GAS7: variants seen among roughly 807,000 people sequenced by gnomAD.
GAS7 encodes growth arrest-specific protein 7.
GAS7 carries 28 observed loss-of-function variants against 71.1 expected under a neutral mutation model. The observed-to-expected ratio is 0.39, with a 90% CI of 0.29 to 0.54. The LOEUF (loss-of-function observed/expected upper bound fraction) is 0.54. Ranked by LOEUF, GAS7 falls within the 20% of genes least tolerant of loss-of-function variation. The pLI is 0.62. For synonymous variants in GAS7, 258 were observed against 245.8 expected (o/e 1.05, Z -0.46); for missense variants, 436 against 627.8 (o/e 0.69, Z 3.27).
At chr17:10,046,795 AGG>A (rs1488766946) in intron 1 of GAS7, among the ~76,000 whole-genome samples, 1 of 93,250 alleles carries the variant, frequency 1.1e-5, no homozygotes, top group East Asian at 3.5e-4. Context: ...AAAGGAAGGA[AGG>A]AAGGAAGGAA....
At chr17:10,030,938 T>C (rs1473871710) in intron 1 of GAS7, among the ~76,000 whole-genome samples, 1 of 152,194 alleles carries the variant, frequency 6.6e-6, no homozygotes, top group Non-Finnish European at 1.5e-5. Context: ...CCAGTCGCCA[T>C]GGAGTGTCCG....
intron 1 of GAS7, among the ~76,000 whole-genome samples, chr17:10,151,320 CTTGTTT>C (rs768269263): frequency 1.5e-4 from 23 of 151,844 alleles, no homozygotes; most frequent in Admixed American, 5.9e-4. Flanking sequence ...GTTTCGTTTG[CTTGTTT>C]TTGTTTTTGT....
At chr17:9,967,111 C>T (rs184862580) in intron 4 of GAS7, among the ~76,000 whole-genome samples, 4 of 151,784 alleles carry the variant, frequency 2.6e-5, no homozygotes, top group South Asian at 2.1e-4. Context: ...ACTATCTACC[C>T]GGGCCTGCAT....
In GAS7 at chr17:10,026,149, C is replaced by T; in HGVS notation, c.184-6252G>A. ...GGTTTCTGAGAACACCTGACTCTTA[C>T]CTTATCCTAAAGCCGTGAGCAAACG... On this transcript the variant is annotated intron_variant, in intron 1 of 13. Transcript: ENST00000432992. This position sits in a 1 kb window ranked among gnomAD's most constrained non-coding sequence, Gnocchi z 4.5. 1 of 985,110 alleles carries T rather than the reference C, an allele frequency of 1.0e-6. No individual in the cohort carries two copies. The highest frequency in any genetic ancestry group is 1.2e-6 in the Non-Finnish European group (1 of 829,806). The allele number at this position is 985,110 out of a possible 1,614,324, so 61.0% of individuals were successfully genotyped here.
At chr17:9,917,929 C>T (rs2067643261) in intron 13 of GAS7, 72 bp downstream of exon 13, 4 of 1,085,680 alleles carry the variant, frequency 3.7e-6, no homozygotes, top group East Asian at 2.4e-5. Context: ...ACTTAACCTG[C>T]CACGGCCTAG....
intron 2 of GAS7, among the ~76,000 whole-genome samples, chr17:10,014,306 T>A (rs968344619): frequency 2.6e-5 from 4 of 152,206 alleles, no homozygotes; most frequent in Non-Finnish European, 5.9e-5. Flanking sequence ...GAATTGGTGT[T>A]TGACCTCATT....
At position 9,987,590 on chromosome 17, in the gene GAS7, C is replaced by G. The variant is rs192390286; in HGVS notation, c.305-5706G>C. Among the ~76,000 whole-genome samples the G allele has an allele frequency of 4.7e-4, 71 of 152,280 alleles. 1 individual carries two copies. Among genetic ancestry groups the G allele is most frequent in the Admixed American group, 1.6e-3 (25 of 15,302 alleles). The stretch of plus-strand genomic sequence containing the variant: ...TCCAGGAGTTCAAGTCCAGCCTGGA[C>G]AACACAGCAAGACCCTATCTCTATA... On this transcript the variant is annotated intron_variant, in intron 2 of 13. Transcript: ENST00000432992.
intron 1 of GAS7, among the ~76,000 whole-genome samples, chr17:10,169,134 A>C (rs2074316454): frequency 6.6e-6 from 1 of 151,940 alleles, no homozygotes; most frequent in Non-Finnish European, 1.5e-5. Context: ...ATAGCCAGGC[A>C]TGGTGGCGCG....
At position 10,198,567 on chromosome 17, in the gene GAS7, G is replaced by A. The variant is rs2074558631; in HGVS notation, c.-177C>T. 2.6e-6 allele frequency: 1 copy of A among 390,512 alleles called. No homozygotes were observed. Among genetic ancestry groups the A allele is most frequent in the Non-Finnish European group, 4.4e-6 (1 of 225,268 alleles). 24.2% of individuals were successfully genotyped at this position (390,512 alleles called of 1,614,324 possible). The stretch of plus-strand genomic sequence containing the variant: ...GGCGGGGGACGCGCGCTCCGCGCCG[G>A]GAAGCAGAGACTCGTTGGCTTCGCA... On this transcript the variant is annotated 5_prime_UTR_variant, in exon 1 of 14. Coordinates refer to ENST00000432992, the MANE Select transcript of GAS7 (RefSeq NM_201433.2).
At chr17:9,948,509 C>A (rs893798772) in intron 5 of GAS7, among the ~76,000 whole-genome samples, 1 of 152,110 alleles carries the variant, frequency 6.6e-6, no homozygotes, top group Non-Finnish European at 1.5e-5. Context: ...ATGGTGAAAC[C>A]CCTTCTCTAC....
At position 9,960,858 on chromosome 17, in the gene GAS7, C is replaced by G. The variant is rs182292906; in HGVS notation, c.472-1603G>C. Among the ~76,000 whole-genome samples, 54 of 152,328 alleles carry G rather than the reference C, an allele frequency of 3.5e-4. No individual in the cohort carries two copies. The East Asian group carries it at 9.4e-3, about 27-fold the overall frequency. On this transcript the variant is annotated intron_variant, in intron 4 of 13. Transcript: ENST00000432992. ...CCTTACAGAGCATTAATTTCACAGA[C>G]AAGAAAATGATTACTAGCCTTGAGA...
intron 1 of GAS7, among the ~76,000 whole-genome samples, chr17:10,049,479 G>C (rs1025500496): frequency 6.6e-6 from 1 of 151,672 alleles, no homozygotes; most frequent in Non-Finnish European, 1.5e-5. Context: ...CATTAACAAA[G>C]CTTATCTTTG....
intron 1 of GAS7, among the ~76,000 whole-genome samples, chr17:10,104,641 C>T (rs2073739969): frequency 6.6e-6 from 1 of 152,148 alleles, no homozygotes; most frequent in Non-Finnish European, 1.5e-5. Flanking sequence ...TAGACCTGCT[C>T]TCCATAACTC....
chr17:9,928,007 T>C (rs1245859447), intron 9 of GAS7, among the ~76,000 whole-genome samples: 1 of 152,206 alleles, frequency 6.6e-6, no homozygotes, highest in Non-Finnish European at 1.5e-5. Flanking sequence ...AGCTTTTTTC[T>C]TCTCTTTTAT....
At chr17:9,927,038 T>G (rs1187570814) in intron 9 of GAS7, 1 of 383,078 alleles carries the variant, frequency 2.6e-6, no homozygotes, top group Non-Finnish European at 4.6e-6. Flanking sequence ...TCCCCATCTG[T>G]TAACTACTTT....
At chr17:10,102,963 G>C (rs1291244167) in intron 1 of GAS7, among the ~76,000 whole-genome samples, 2 of 152,142 alleles carry the variant, frequency 1.3e-5, no homozygotes, top group Non-Finnish European at 2.9e-5. Flanking sequence ...CATTGAGGAA[G>C]GGCTGTGGAA....
Position 9,959,182 on chromosome 17 carries a change from G to A in GAS7, c.525+20C>T, listed in dbSNP as rs184185282. The A allele has an allele frequency of 3.3e-4, 534 of 1,611,470 alleles. 3 individuals carry two copies. The African/African-American group carries it at 5.4e-3, about 16-fold the overall frequency. On this transcript the variant is annotated intron_variant, in intron 5 of 13. Coordinates refer to ENST00000432992, the MANE Select transcript of GAS7 (RefSeq NM_201433.2). The surrounding 1 kb of genome is among the most constrained non-coding windows in gnomAD (Gnocchi z 5.0). ...CCAGCTCGCAGCCCACCCTGAGGGC[G>A]CCCCTCGGGAGCCACTTACTGTGAT... is the stretch of plus-strand genomic sequence containing the variant.
At chr17:10,088,415 C>A (rs1248592334) in intron 1 of GAS7, among the ~76,000 whole-genome samples, 2 of 151,968 alleles carry the variant, frequency 1.3e-5, no homozygotes, top group East Asian at 1.9e-4. Context: ...CTCTAACACT[C>A]CAATACTCTG....
At chr17:9,920,664 T>A (rs965818607) in intron 11 of GAS7, among the ~76,000 whole-genome samples, 1 of 152,218 alleles carries the variant, frequency 6.6e-6, no homozygotes, top group Non-Finnish European at 1.5e-5. Flanking sequence ...TGGTAATGTG[T>A]GTGCACGTGG....
Sources: allele counts gnomAD v4.1 joint callset (sites outside exome capture counted in the v4.1 genomes callset), GRCh38; gene constraint gnomAD v4.1.1; non-coding constraint Gnocchi (gnomAD v3.1); transcripts MANE v1.5; gene names NCBI Gene and HGNC (gene_info 2026-07-23, HGNC 2026-07-21).